Variants in PCSK6 observed in about 807,000 individuals in gnomAD.
PCSK6 encodes the protein proprotein convertase subtilisin/kexin type 6, also known as paired basic amino acid cleaving enzyme 4.
Under a neutral mutation model 123.3 loss-of-function variants are expected in PCSK6, and 85 were observed. The observed-to-expected ratio is 0.69, with a 90% CI of 0.58 to 0.83. The LOEUF (loss-of-function observed/expected upper bound fraction) is 0.83. Among genes scored for constraint, PCSK6 ranks in the 40% least tolerant of loss-of-function variants. The pLI is 0.00. For synonymous variants in PCSK6, 508 were observed against 516.0 expected, an observed-to-expected ratio of 0.98 and a Z score of 0.21; for missense variants, 1,191 against 1,282.3, an observed-to-expected ratio of 0.93 and a Z score of 1.09.
At chr15:101,450,665 A>G (rs2057010928) in intron 1 of PCSK6, among the ~76,000 whole-genome samples, 1 of 151,962 alleles carries the variant, frequency 6.6e-6, no homozygotes, top group African/African-American at 2.4e-5. Context: ...CCCCCATCCC[A>G]TCTGTGTCCA....
chr15:101,431,668 A>G (rs1158109859), intron 3 of PCSK6, among the ~76,000 whole-genome samples: 1 of 152,160 alleles, frequency 6.6e-6, no homozygotes, highest in East Asian at 1.9e-4. Context: ...CTGCACCTGC[A>G]ATCTATATTT....
chr15:101,462,860 C>T (rs922525459), intron 1 of PCSK6, among the ~76,000 whole-genome samples: 3 of 152,114 alleles, frequency 2.0e-5, no homozygotes, highest in Non-Finnish European at 2.9e-5. Flanking sequence ...ATCCACTTTC[C>T]GGTTTCCTCT....
At chr15:101,410,759 C>A (rs867575749) in intron 6 of PCSK6, among the ~76,000 whole-genome samples, 2 of 152,186 alleles carry the variant, frequency 1.3e-5, no homozygotes, top group Middle Eastern at 3.2e-3. Context: ...GGCTTCAGGG[C>A]AACAGGCCTG....
At chr15:101,464,265 G>A (rs1035626727) in intron 1 of PCSK6, among the ~76,000 whole-genome samples, 13 of 152,266 alleles carry the variant, frequency 8.5e-5, no homozygotes, top group South Asian at 2.1e-4. Context: ...CAGGAACTGC[G>A]TCAGAAGGAG....
chr15:101,435,639 A>T (rs1567219757), intron 2 of PCSK6, among the ~76,000 whole-genome samples: 1 of 152,256 alleles, frequency 6.6e-6, no homozygotes, highest in South Asian at 2.1e-4. Flanking sequence ...AGGGAGTTCT[A>T]ATCATGAAGA....
At chr15:101,309,977 A>G (rs1287718405) in intron 20 of PCSK6, among the ~76,000 whole-genome samples, 2 of 152,070 alleles carry the variant, frequency 1.3e-5, no homozygotes, top group African/African-American at 4.8e-5. Context: ...CTGCGTCCTG[A>G]CCTGCATGTT....
chr15:101,343,787 G>A (rs528273498), intron 13 of PCSK6, among the ~76,000 whole-genome samples: 7 of 152,244 alleles, frequency 4.6e-5, no homozygotes, highest in African/African-American at 1.7e-4. Flanking sequence ...TCTTCCATTC[G>A]TGTTTGAAAA....
intron 9 of PCSK6, among the ~76,000 whole-genome samples, chr15:101,387,828 A>G (rs2042111883): frequency 6.5e-5 from 3 of 46,136 alleles, no homozygotes; most frequent in Admixed American, 3.2e-4. Context: ...GGCGAGAGCT[A>G]TCCCAGGCTA....
intron 11 of PCSK6, among the ~76,000 whole-genome samples, chr15:101,376,600 A>C (rs891600411): frequency 6.6e-6 from 1 of 152,266 alleles, no homozygotes; most frequent in African/African-American, 2.4e-5. Context: ...TTTGTGGAAC[A>C]GTACCACAAA....
chr15:101,331,880 T>G lies in PCSK6; in HGVS notation c.2010A>C (p.Glu670Asp), dbSNP rs1346932398. 1 of 1,613,248 alleles carries G rather than the reference T, an allele frequency of 6.2e-7. No individual in the cohort carries two copies. Among genetic ancestry groups the G allele is most frequent in the East Asian group, 2.2e-5 (1 of 44,868 alleles). The stretch of plus-strand genomic sequence containing the variant: ...TGTAATCTTCCTCATCTTCAGGAAC[T>G]TCCACCTGGGAGGGTGACAGGGCAG... ...PKAALSPSQV[E>D]VPEDEEDYTA... Residue 670 changes from glutamate to aspartate, a missense_variant, in exon 14 of 22, where the codon GAA (glutamate) becomes GAC (aspartate). Glu to Asp is a conservative substitution (Grantham distance 45). Around this residue, in one of 3 missense-constraint regions of PCSK6, gnomAD observed 630 missense variants for 631.4 expected, o/e 1.00. Coordinates refer to ENST00000611716, the MANE Select transcript of PCSK6 (RefSeq NM_002570.5).
At chr15:101,360,457 C>A (rs2041178782) in intron 13 of PCSK6, among the ~76,000 whole-genome samples, 1 of 152,038 alleles carries the variant, frequency 6.6e-6, no homozygotes, top group South Asian at 2.1e-4. Context: ...GGGGGCCTCT[C>A]TGCTGTGCCT....
intron 7 of PCSK6, among the ~76,000 whole-genome samples, chr15:101,397,443 A>G (rs1028303333): frequency 6.6e-6 from 1 of 152,162 alleles, no homozygotes; most frequent in African/African-American, 2.4e-5. Context: ...TGAGAACTGT[A>G]AAAATATTTT....
At chr15:101,454,532 A>C (rs1197825098) in intron 1 of PCSK6, among the ~76,000 whole-genome samples, 1 of 152,226 alleles carries the variant, frequency 6.6e-6, no homozygotes, top group East Asian at 1.9e-4. Flanking sequence ...ACTAAGGACG[A>C]ATACTGAACG....
intron 20 of PCSK6, among the ~76,000 whole-genome samples, chr15:101,310,747 G>C (rs2039838199): frequency 6.6e-6 from 1 of 152,162 alleles, no homozygotes; most frequent in Non-Finnish European, 1.5e-5. Flanking sequence ...GTAGGGCTTT[G>C]TTTCTAGGGG....
chr15:101,433,579 G>A (rs1249161788), intron 2 of PCSK6, among the ~76,000 whole-genome samples: 1 of 152,216 alleles, frequency 6.6e-6, no homozygotes, highest in Non-Finnish European at 1.5e-5. Context: ...AACAGGGCAG[G>A]CTGCCTGGAG....
At chr15:101,462,509 A>T (rs867714017) in intron 1 of PCSK6, among the ~76,000 whole-genome samples, 1 of 152,220 alleles carries the variant, frequency 6.6e-6, no homozygotes, top group Non-Finnish European at 1.5e-5. Flanking sequence ...GCCCCACCAC[A>T]TATCAAGCCT....
At chr15:101,488,343 T>C (rs1009264425) in intron 1 of PCSK6, among the ~76,000 whole-genome samples, 2 of 152,168 alleles carry the variant, frequency 1.3e-5, no homozygotes, top group Non-Finnish European at 2.9e-5. Context: ...GCCATAAACA[T>C]GGATCAACCC....
Position 101,387,779 on chromosome 15 carries a change from T to C in PCSK6, c.1310+1685A>G, listed in dbSNP as rs942742439. On this transcript the variant is annotated intron_variant, in intron 9 of 21. Transcript: ENST00000611716. The stretch of plus-strand genomic sequence containing the variant: ...GCCCCAGTTCCTTCCACAGCAGTAG[T>C]GAACAGAGAGAGAAGGCGGCCTGGG... Among the ~76,000 whole-genome samples the C allele has an allele frequency of 1.1e-4, 3 of 26,618 alleles. No individual in the cohort carries two copies. In the Admixed American group the frequency reaches 2.1e-3, roughly 19 times the overall value. 17.5% of individuals were successfully genotyped at this position (26,618 alleles called of 152,430 possible). A position where few individuals can be genotyped will look rare whatever the true frequency, so the allele number is the denominator to read the frequency against.
intron 6 of PCSK6, among the ~76,000 whole-genome samples, chr15:101,420,737 G>C (rs1165592894): frequency 6.6e-6 from 1 of 152,178 alleles, no homozygotes; most frequent in African/African-American, 2.4e-5. Context: ...TGTACAGCTT[G>C]ACAACTTAAT....
Sources: allele counts gnomAD v4.1 joint callset (sites outside exome capture counted in the v4.1 genomes callset), GRCh38; gene constraint gnomAD v4.1.1; regional missense constraint gnomAD v4.1.1; transcripts MANE v1.5; gene names NCBI Gene and HGNC (gene_info 2026-07-23, HGNC 2026-07-21).